EPB42: variants seen among roughly 807,000 people sequenced by gnomAD.
EPB42 encodes the protein protein 4.2.
EPB42 carries 49 observed loss-of-function variants against 76.9 expected under a neutral mutation model. That is an observed-to-expected ratio of 0.64 (90% confidence interval 0.51 to 0.81). The LOEUF (loss-of-function observed/expected upper bound fraction) is 0.81. Ranked by LOEUF, EPB42 falls within the 30% of genes least tolerant of loss-of-function variation. EPB42 has a pLI of 0.00. For missense variants in EPB42, 731 were observed against 867.6 expected, an observed-to-expected ratio of 0.84 and a Z score of 1.98; for synonymous variants, 310 against 338.4, an observed-to-expected ratio of 0.92 and a Z score of 0.92.
intron 10 of EPB42, 100 bp from the exon 11 acceptor site, chr15:43,203,375 G>T: frequency 6.8e-7 from 1 of 1,463,672 alleles, no homozygotes; most frequent in Non-Finnish European, 9.5e-7. Flanking sequence ...GCCTCACTGA[G>T]GCCAGAAAGA....
At chr15:43,208,412 G>T in intron 7 of EPB42, 79 bp from the exon 8 acceptor site, 1 of 1,507,620 alleles carries the variant, frequency 6.6e-7, no homozygotes, top group Non-Finnish European at 9.2e-7. Flanking sequence ...GCCTGGCAGA[G>T]CTGTTGTTGT....
In EPB42 at chr15:43,206,432, C is replaced by T; in HGVS notation, c.1516G>A (p.Ala506Thr). The T allele has an allele frequency of 6.2e-7, 1 of 1,614,220 alleles. No homozygotes were observed. Among genetic ancestry groups the T allele is most frequent in the Non-Finnish European group, 8.5e-7 (1 of 1,180,036 alleles). Residue 506 changes from alanine (A) to threonine (T), a missense_variant, in exon 10 of 13, where the codon GCA (alanine) becomes ACA (threonine). Transcript: ENST00000441366. The surrounding 1 kb of genome is among the most constrained non-coding windows in gnomAD (Gnocchi z 4.7). ...TLVNHSEQEK[A>T]VQLAIGVQAV... ...TGGACCCCAATTGCCAGCTGCACTG[C>T]CTTCTCCTGCTCACTGTGATTAACC...
At chr15:43,222,097 C>T (rs1288756282), upstream of EPB42, among the ~76,000 whole-genome samples, 2 of 149,942 alleles carry the variant, frequency 1.3e-5, no homozygotes, top group Non-Finnish European at 3.0e-5. Context: ...GAGCCAAGAT[C>T]GTGCCACTGC....
At position 43,208,348 on chromosome 15, in the gene EPB42, G is replaced by A. The variant is rs1455110475; in HGVS notation, c.972-15C>T. Reference sequence around the variant, plus strand: ...TCTGGAAGATCCTGAATGCAGCAAAGAGAAAAATTCAAGTGGGAAAGAAAA... The same window carrying A: ...TCTGGAAGATCCTGAATGCAGCAAAAAGAAAAATTCAAGTGGGAAAGAAAA... On this transcript the variant is annotated splice_polypyrimidine_tract_variant and intron_variant, in intron 7 of 12. Coordinates refer to ENST00000441366, the MANE Select transcript of EPB42 (RefSeq NM_001114134.2). The A allele has an allele frequency of 2.5e-6, 4 of 1,612,914 alleles. No individual in the cohort carries two copies. The highest frequency in any genetic ancestry group is 1.3e-5 in the African/African-American group (1 of 74,918).
Position 43,204,518 on chromosome 15 carries a change from G to A in EPB42, c.1619-1243C>T, listed in dbSNP as rs76988960. On this transcript the variant is annotated intron_variant, in intron 10 of 12. Coordinates refer to ENST00000441366, the MANE Select transcript of EPB42 (RefSeq NM_001114134.2). ...CCACCTGCTGGCCAGCTCCACTTGC[G>A]TGTGTCACGGGCTTTCAGACACAAT... Among the ~76,000 whole-genome samples, 96 of 152,180 alleles carry A rather than the reference G, an allele frequency of 6.3e-4. 2 individuals carry two copies. The East Asian group carries it at 0.013, about 21-fold the overall frequency.
At chr15:43,210,742 G>A (rs1379830750) in intron 4 of EPB42, among the ~76,000 whole-genome samples, 2 of 152,188 alleles carry the variant, frequency 1.3e-5, no homozygotes, top group African/African-American at 4.8e-5. Flanking sequence ...TCATTGCACT[G>A]CATTCCATTT....
rs771851031 is a variant in EPB42, at chr15:43,203,221, T to C, written c.1673A>G (p.Glu558Gly). ...FFSNFERNPPENTFLRLTAMA... is the reference protein window; with the variant it reads ...FFSNFERNPPGNTFLRLTAMA... The stretch of plus-strand genomic sequence containing the variant: ...GGCGGTGAGTCTAAGGAAGGTGTTC[T>C]CGGGTGGGTTTCGCTCAAAATTGGA... Residue 558 changes from glutamate to glycine, a missense_variant, in exon 11 of 13, where the codon GAG (glutamate) becomes GGG (glycine). By Grantham distance (98) the Glu-to-Gly change is moderately conservative. Coordinates refer to ENST00000441366, the MANE Select transcript of EPB42 (RefSeq NM_001114134.2). 1.3e-5 allele frequency: 21 copies of C among 1,614,132 alleles called. No homozygotes were observed. In the African/African-American group the frequency reaches 1.7e-4, roughly 13 times the overall value.
At chr15:43,211,891 C>T (rs1000816259) in intron 3 of EPB42, among the ~76,000 whole-genome samples, 2 of 151,588 alleles carry the variant, frequency 1.3e-5, no homozygotes, top group Non-Finnish European at 2.9e-5. Context: ...CACAGCAAGA[C>T]TCTGTCTCTA....
chr15:43,198,963 C>T (rs1038556791), intron 12 of EPB42, among the ~76,000 whole-genome samples: 1 of 152,204 alleles, frequency 6.6e-6, no homozygotes, highest in Non-Finnish European at 1.5e-5. Flanking sequence ...GCACAGAAGT[C>T]AAGAACTGAG....
At chr15:43,215,419 G>A in intron 2 of EPB42, 91 bp from the exon 3 acceptor site, 1 of 1,418,188 alleles carries the variant, frequency 7.1e-7, no homozygotes, top group South Asian at 1.2e-5. Flanking sequence ...TGGAGCAGGT[G>A]AAATTTGTTT....
At chr15:43,222,909 CTTAAG>C (rs551026109), upstream of EPB42, among the ~76,000 whole-genome samples, 21 of 152,290 alleles carry the variant, frequency 1.4e-4, no homozygotes, top group African/African-American at 3.9e-4. Context: ...GACACTTCTT[CTTAAG>C]TTAACTTGGG....
At chr15:43,215,359 G>T (rs1430086506) in intron 2 of EPB42, 31 bp from the exon 3 acceptor site, 2 of 1,603,628 alleles carry the variant, frequency 1.2e-6, no homozygotes, top group African/African-American at 1.3e-5. Flanking sequence ...GTCTGTCACT[G>T]GGACTTCTTG....
At chr15:43,213,543 G>A (rs1289936393) in intron 3 of EPB42, among the ~76,000 whole-genome samples, 3 of 152,130 alleles carry the variant, frequency 2.0e-5, no homozygotes, top group African/African-American at 7.2e-5. Flanking sequence ...CAAGAGTGTG[G>A]GCACCCTGAG....
chr15:43,223,729 C>A (rs143442482), upstream of EPB42, among the ~76,000 whole-genome samples: 5,491 of 152,084 alleles, frequency 0.036, 329 homozygotes, highest in African/African-American at 0.12. Flanking sequence ...CCTGTAATCC[C>A]AGCACTTTGG....
chr15:43,221,885 G>GT (rs1044208695), upstream of EPB42, among the ~76,000 whole-genome samples: 2 of 149,666 alleles, frequency 1.3e-5, no homozygotes, highest in Admixed American at 1.3e-4. Flanking sequence ...GCTCATGCCT[G>GT]TAATCCCAGC....
chr15:43,225,660 T>A (rs1220809638), upstream of EPB42, among the ~76,000 whole-genome samples: 1 of 152,128 alleles, frequency 6.6e-6, no homozygotes, highest in Admixed American at 6.6e-5. Flanking sequence ...AGACAAACAA[T>A]ACTAAGTGCG....
chr15:43,221,565 A>G (rs1367573029), upstream of EPB42, among the ~76,000 whole-genome samples: 1 of 152,120 alleles, frequency 6.6e-6, no homozygotes, highest in Non-Finnish European at 1.5e-5. Flanking sequence ...GTTCCTGAAG[A>G]GACAAGAGAA....
chr15:43,206,485 C>T lies in EPB42; in HGVS notation c.1463G>A (p.Arg488Lys). ...CGTCACTGAGATCTGGGCATCCCCT[C>T]TCAGGGGTAGGGAGCTGGGTGCTTT... is the stretch of plus-strand genomic sequence containing the variant. ...LLKAPSSLPL[R>K]GDAQISVTLV... Residue 488 changes from arginine to lysine, a missense_variant, in exon 10 of 13, where the codon AGA (arginine) becomes AAA (lysine). Arg to Lys is a conservative substitution (Grantham distance 26). Transcript: ENST00000441366. The surrounding 1 kb of genome is among the most constrained non-coding windows in gnomAD (Gnocchi z 4.7). 1.2e-6 allele frequency: 2 copies of T among 1,614,208 alleles called. No individual in the cohort carries two copies. Among genetic ancestry groups the T allele is most frequent in the East Asian group, 2.2e-5 (1 of 44,878 alleles).
At chr15:43,225,422 C>T (rs758921207), upstream of EPB42, among the ~76,000 whole-genome samples, 12 of 152,178 alleles carry the variant, frequency 7.9e-5, no homozygotes, top group Non-Finnish European at 1.5e-4. Flanking sequence ...GCTGGTCTCC[C>T]TTTGGGGAAT....
Sources: allele counts gnomAD v4.1 joint callset (sites outside exome capture counted in the v4.1 genomes callset), GRCh38; gene constraint gnomAD v4.1.1; non-coding constraint Gnocchi (gnomAD v3.1); transcripts MANE v1.5; gene names NCBI Gene and HGNC (gene_info 2026-07-23, HGNC 2026-07-21).